The following VPS13B variants were observed in gnomAD, a reference collection of about 807,000 sequenced individuals.
VPS13B encodes vacuolar protein sorting 13 homolog B.
A neutral mutation model predicts 426.4 loss-of-function variants in VPS13B; 285 were observed. The ratio of observed to expected loss-of-function variants is 0.67; its 90% CI spans 0.61 to 0.74. The LOEUF (loss-of-function observed/expected upper bound fraction) is 0.74. VPS13B is among the 30% of genes least tolerant of loss of function. The probability of loss-of-function intolerance (pLI) is 0.00; values close to 1 mark genes in which losing one functional copy is unlikely to be tolerated. For missense variants in VPS13B, 4,537 were observed against 4,782.6 expected (o/e 0.95, Z 1.51); for synonymous variants, 1,676 against 1,676.4 (o/e 1.00, Z 0.01).
intron 22 of VPS13B, 21 bp from the exon 23 acceptor site, chr8:99,442,380 A>G: frequency 6.2e-7 from 1 of 1,602,298 alleles, no homozygotes; most frequent in Non-Finnish European, 8.6e-7. Flanking sequence ...CGAATATTTT[A>G]ATTCTGCTTT....
In VPS13B at chr8:99,803,162, C is replaced by A. The variant is rs573235738; in HGVS notation, c.7942-6213C>A. On this transcript the variant is annotated intron_variant, in intron 43 of 61. Transcript: ENST00000357162. ...GATAGATTATTTCATAGAATTGATGCATCAATAGGTATTACAAGTAAGATT... is the reference window on the plus strand; with the variant it reads ...GATAGATTATTTCATAGAATTGATGAATCAATAGGTATTACAAGTAAGATT... Among the ~76,000 whole-genome samples, 132 of 152,306 alleles carry A rather than the reference C, an allele frequency of 8.7e-4. 2 individuals are homozygous for A. In the South Asian group the frequency reaches 0.011, roughly 13 times the overall value.
intron 17 of VPS13B, among the ~76,000 whole-genome samples, chr8:99,238,936 C>T (rs1351565057): frequency 6.6e-6 from 1 of 152,002 alleles, no homozygotes; most frequent in Non-Finnish European, 1.5e-5. Flanking sequence ...CAAAAATCTA[C>T]TGAGAGAGGA....
chr8:99,861,718 C>G, intron 57 of VPS13B, 58 bp from the exon 58 acceptor site: 6 of 1,555,536 alleles, frequency 3.9e-6, no homozygotes, highest in Non-Finnish European at 5.2e-6. Flanking sequence ...GAAACTACTG[C>G]CTTGGGGTCC....
intron 58 of VPS13B, among the ~76,000 whole-genome samples, chr8:99,865,776 T>C (rs1230349025): frequency 6.6e-6 from 1 of 152,260 alleles, no homozygotes; most frequent in Non-Finnish European, 1.5e-5. Context: ...TCCCATTTTA[T>C]GCCTGTCCTT....
intron 24 of VPS13B, among the ~76,000 whole-genome samples, chr8:99,474,197 T>G (rs1045066571): frequency 6.7e-5 from 10 of 149,696 alleles, no homozygotes; most frequent in Admixed American, 5.3e-4. Context: ...TTTTTTTTTT[T>G]TTTTTTGTGG....
chr8:99,820,274 C>T (rs571997033), intron 49 of VPS13B, 152 bp downstream of exon 49: 1 of 734,322 alleles, frequency 1.4e-6, no homozygotes, highest in East Asian at 2.7e-5. Context: ...CTTTGATATT[C>T]AAGGACTTTT....
chr8:99,868,386 G>A lies in VPS13B; in HGVS notation c.11313G>A (p.Ser3771=), dbSNP rs753931096. ...GACACAAGGCCAAGGGTGTCATCTC[G>A]GGTGTGGGGAAAGGAATCATGGGGG... ...SAGHKAKGVI[S]GVGKGIMGVF... The change falls in exon 59 of 62, where the codon TCG becomes TCA. Residue 3771 remains serine, a synonymous_variant. Coordinates refer to ENST00000357162, the MANE Select transcript of VPS13B (RefSeq NM_152564.5). The A allele has an allele frequency of 1.1e-5, 17 of 1,614,146 alleles. No individual in the cohort carries two copies. Among genetic ancestry groups the A allele is most frequent in the South Asian group, 8.8e-5 (8 of 91,064 alleles).
chr8:99,549,263 AT>A (rs1824151619), intron 30 of VPS13B, among the ~76,000 whole-genome samples: 1 of 152,122 alleles, frequency 6.6e-6, no homozygotes, highest in South Asian at 2.1e-4. Context: ...TGTGGGTAGA[AT>A]TCATTGAGTT....
At chr8:99,205,549 C>G (rs901166403) in intron 17 of VPS13B, among the ~76,000 whole-genome samples, 2 of 152,146 alleles carry the variant, frequency 1.3e-5, no homozygotes, top group Non-Finnish European at 1.5e-5. Context: ...TTTTCACATA[C>G]TTTACAGCTG....
At chr8:99,028,034 A>G (rs1347118785) in intron 2 of VPS13B, among the ~76,000 whole-genome samples, 3 of 152,218 alleles carry the variant, frequency 2.0e-5, no homozygotes, top group Non-Finnish European at 4.4e-5. Flanking sequence ...TGGGGGTAAG[A>G]TCACAGATCA....
At chr8:99,682,923 A>G (rs1401602573) in intron 35 of VPS13B, among the ~76,000 whole-genome samples, 2 of 152,146 alleles carry the variant, frequency 1.3e-5, no homozygotes, top group African/African-American at 4.8e-5. Context: ...TTCTACTGAG[A>G]ATGAGCTGAC....
At chr8:99,704,614 T>A (rs1832423221) in intron 36 of VPS13B, among the ~76,000 whole-genome samples, 3 of 152,184 alleles carry the variant, frequency 2.0e-5, no homozygotes, top group African/African-American at 7.2e-5. Flanking sequence ...TCTTTGACAG[T>A]TAAAGCCAGA....
At chr8:99,100,381 C>G (rs962387960) in intron 4 of VPS13B, among the ~76,000 whole-genome samples, 1 of 152,168 alleles carries the variant, frequency 6.6e-6, no homozygotes, top group African/African-American at 2.4e-5. Context: ...ACCTCCGCCT[C>G]TGGTGCTCAA....
intron 21 of VPS13B, among the ~76,000 whole-genome samples, chr8:99,428,493 CAAGAG>C (rs1401475906): frequency 6.6e-6 from 1 of 152,184 alleles, no homozygotes; most frequent in Non-Finnish European, 1.5e-5. Context: ...AGACACTTCT[CAAGAG>C]AAGACATTTT....
intron 7 of VPS13B, among the ~76,000 whole-genome samples, chr8:99,118,810 G>A (rs945539917): frequency 2.6e-5 from 4 of 152,078 alleles, no homozygotes; most frequent in African/African-American, 9.7e-5. Flanking sequence ...ATGGACACTT[G>A]GGCTGTTTTT....
chr8:99,823,993 A>C lies in VPS13B; in HGVS notation c.9330+15A>C, dbSNP rs1266460079. On this transcript the variant is annotated intron_variant, in intron 51 of 61. Coordinates refer to ENST00000357162, the MANE Select transcript of VPS13B (RefSeq NM_152564.5). ...CTGGAAAGGAGGTAAGCAAATCATA[A>C]CGATTCTTTTGTCTAAGTTTTGATA... The C allele has an allele frequency of 6.2e-7, 1 of 1,610,386 alleles. No homozygotes were observed. The highest frequency in any genetic ancestry group is 8.5e-7 in the Non-Finnish European group (1 of 1,179,540).
intron 17 of VPS13B, among the ~76,000 whole-genome samples, chr8:99,267,411 A>G (rs890911707): frequency 1.3e-5 from 2 of 152,118 alleles, no homozygotes; most frequent in African/African-American, 2.4e-5. Flanking sequence ...AGTTTGGAAA[A>G]TATGCAGCCT....
At chr8:99,365,362 T>A (rs1003888452) in intron 19 of VPS13B, among the ~76,000 whole-genome samples, 5 of 151,866 alleles carry the variant, frequency 3.3e-5, no homozygotes, top group African/African-American at 7.2e-5. Context: ...ATCATTAGGT[T>A]GTTTATTTGA....
intron 35 of VPS13B, among the ~76,000 whole-genome samples, chr8:99,664,312 T>C (rs1351716499): frequency 6.9e-6 from 1 of 145,616 alleles, no homozygotes; most frequent in Non-Finnish European, 1.5e-5. Flanking sequence ...GCCAGAAATG[T>C]ACTTTTTTTT....
Sources: allele counts gnomAD v4.1 joint callset (sites outside exome capture counted in the v4.1 genomes callset), GRCh38; gene constraint gnomAD v4.1.1; transcripts MANE v1.5; gene names NCBI Gene and HGNC (gene_info 2026-07-23, HGNC 2026-07-21).